The following VPS41 variants were observed in gnomAD, a reference collection of about 807,000 sequenced individuals.
The protein encoded by VPS41 is vacuolar protein sorting-associated protein 41 homolog.
A neutral mutation model predicts 130.9 loss-of-function variants in VPS41; 85 were observed. That is an observed-to-expected ratio of 0.65 (90% CI 0.55 to 0.78). The LOEUF is 0.78. VPS41 is among the 30% of genes least tolerant of loss of function. The probability of loss-of-function intolerance (pLI) is 0.00; values close to 1 mark genes in which losing one functional copy is unlikely to be tolerated. For synonymous variants in VPS41, 335 were observed against 332.9 expected, an observed-to-expected ratio of 1.01 and a Z score of -0.07; for missense variants, 874 against 1,018.7, an observed-to-expected ratio of 0.86 and a Z score of 1.93.
At position 38,774,177 on chromosome 7, in the gene VPS41, A is replaced by C; in HGVS notation, c.950T>G (p.Ile317Ser). ...IQPLSETCEE[I>S]SSDALTVRGF... ...TCTGACTGTCAAAGCATCAGAAGAGATCTCTTCACAAGTCTCAGAAAGTGG... is the reference window on the plus strand; with the variant it reads ...TCTGACTGTCAAAGCATCAGAAGAGCTCTCTTCACAAGTCTCAGAAAGTGG... The change falls in exon 12 of 29, where the codon ATC becomes AGC. Residue 317 changes from isoleucine to serine, a missense_variant. Physicochemically the swap from Ile to Ser is moderately radical, Grantham distance 142. Coordinates refer to ENST00000310301, the MANE Select transcript of VPS41 (RefSeq NM_014396.4). 1 of 1,610,040 alleles carries C rather than the reference A, an allele frequency of 6.2e-7. No individual in the cohort carries two copies. Among genetic ancestry groups the C allele is most frequent in the Non-Finnish European group, 8.5e-7 (1 of 1,177,030 alleles).
intron 2 of VPS41, among the ~76,000 whole-genome samples, chr7:38,895,730 C>T (rs1562627912): frequency 1.3e-5 from 2 of 152,152 alleles, no homozygotes; most frequent in Non-Finnish European, 2.9e-5. Context: ...ACTGCCAAGC[C>T]GCTAAGGATG....
chr7:38,853,867 C>G (rs967754051), intron 4 of VPS41, among the ~76,000 whole-genome samples: 4 of 152,198 alleles, frequency 2.6e-5, no homozygotes, highest in African/African-American at 9.6e-5. Context: ...ACTGAAGGGT[C>G]AGATGTTAAA....
intron 7 of VPS41, among the ~76,000 whole-genome samples, chr7:38,802,390 C>T (rs961097932): frequency 4.6e-5 from 7 of 152,150 alleles, no homozygotes; most frequent in Non-Finnish European, 1.0e-4. Flanking sequence ...TTATTCTTCA[C>T]TCATGAGTCC....
chr7:38,878,308 G>A (rs1253574327), intron 2 of VPS41, among the ~76,000 whole-genome samples: 1 of 152,186 alleles, frequency 6.6e-6, no homozygotes, highest in Non-Finnish European at 1.5e-5. Flanking sequence ...AGCCATTAAA[G>A]TACTATCTAT....
chr7:38,732,644 T>G (rs943952363), intron 25 of VPS41, among the ~76,000 whole-genome samples: 3 of 152,152 alleles, frequency 2.0e-5, no homozygotes, highest in Non-Finnish European at 2.9e-5. Flanking sequence ...TGCTATTGAT[T>G]TATGTATTAT....
chr7:38,891,893 C>T (rs1176478522), intron 2 of VPS41, among the ~76,000 whole-genome samples: 3 of 151,946 alleles, frequency 2.0e-5, no homozygotes, highest in Non-Finnish European at 4.4e-5. Context: ...TTTCTAAATA[C>T]AGAAATGAGT....
chr7:38,741,367 G>A, intron 25 of VPS41: 1 of 345,950 alleles, frequency 2.9e-6, no homozygotes, highest in Non-Finnish European at 5.7e-6. Context: ...GTCTTTTTAA[G>A]GAAAAGATTA....
chr7:38,752,879 T>C (rs1222923175), intron 21 of VPS41, among the ~76,000 whole-genome samples: 1 of 152,186 alleles, frequency 6.6e-6, no homozygotes, highest in African/African-American at 2.4e-5. Context: ...ATCTCCTCTT[T>C]GTTGACTCTT....
intron 22 of VPS41, chr7:38,745,840 GAACATTTCATGAGC>G: frequency 4.3e-6 from 2 of 462,400 alleles, no homozygotes; most frequent in Non-Finnish European, 7.5e-6. Flanking sequence ...AAGCTACTCA[GAACATTTCATGAGC>G]AAGAGTAGAA....
At chr7:38,809,875 T>C (rs1183037605) in intron 7 of VPS41, among the ~76,000 whole-genome samples, 1 of 151,760 alleles carries the variant, frequency 6.6e-6, no homozygotes, top group Non-Finnish European at 1.5e-5. Context: ...AAAGTAAAGG[T>C]CCTATGAAGC....
chr7:38,723,745 A>AAAAAAAAAAAAAAAAAAAAAAAAAAAAC lies in VPS41; in HGVS notation c.*2500_*2501insGTTTTTTTTTTTTTTTTTTTTTTTTTTT, dbSNP rs1795483197. On this transcript the variant is annotated 3_prime_UTR_variant, in exon 29 of 29. Coordinates refer to ENST00000310301, the MANE Select transcript of VPS41 (RefSeq NM_014396.4). The stretch of plus-strand genomic sequence containing the variant: ...TCTCAAAAAAAAAAAAAAAAAAAAA[A>AAAAAAAAAAAAAAAAAAAAAAAAAAAAC]AAAAAAAGAATAGCTTATGAAGTGT... The AAAAAAAAAAAAAAAAAAAAAAAAAAAAC allele has an allele frequency of 6.7e-6, 1 of 148,638 alleles. No homozygotes were observed. Among genetic ancestry groups the AAAAAAAAAAAAAAAAAAAAAAAAAAAAC allele is most frequent in the Admixed American group, 6.7e-5 (1 of 14,972 alleles). 9.2% of individuals were successfully genotyped at this position (148,638 alleles called of 1,614,324 possible).
chr7:38,864,092 G>A (rs941567107), intron 3 of VPS41, among the ~76,000 whole-genome samples: 8 of 152,108 alleles, frequency 5.3e-5, no homozygotes, highest in African/African-American at 1.7e-4. Context: ...AAAAGAATGG[G>A]TCTTAAAAGC....
At chr7:38,876,892 A>T (rs1786503584) in intron 2 of VPS41, among the ~76,000 whole-genome samples, 1 of 152,110 alleles carries the variant, frequency 6.6e-6, no homozygotes, top group Non-Finnish European at 1.5e-5. Flanking sequence ...CCCATCATTT[A>T]GTTTATATTG....
intron 2 of VPS41, among the ~76,000 whole-genome samples, chr7:38,876,489 G>C (rs1447795558): frequency 1.3e-5 from 2 of 152,096 alleles, no homozygotes; most frequent in Non-Finnish European, 2.9e-5. Flanking sequence ...GATGAAAATA[G>C]AAATCACATC....
rs201990933 is a variant in VPS41 at position 38,831,208 on chromosome 7, G to A, written c.247-880C>T. 2.3e-4 allele frequency: 109 copies of A among 470,944 alleles called. 1 individual carries two copies. In the East Asian group the frequency reaches 4.3e-3, roughly 19 times the overall value. 29.2% of individuals were successfully genotyped at this position (470,944 alleles called of 1,614,324 possible). A position where few individuals can be genotyped will look rare whatever the true frequency, so the allele number is the denominator to read the frequency against. ...ATTTTAGTCTTGGCAAATATAAACTGCACCTACCTCTGATTGTAATTTCTT... is the reference window on the plus strand; with the variant it reads ...ATTTTAGTCTTGGCAAATATAAACTACACCTACCTCTGATTGTAATTTCTT... On this transcript the variant is annotated intron_variant, in intron 4 of 28. Coordinates refer to ENST00000310301, the MANE Select transcript of VPS41 (RefSeq NM_014396.4).
chr7:38,748,954 T>C (rs1796040821), intron 22 of VPS41, among the ~76,000 whole-genome samples: 1 of 152,080 alleles, frequency 6.6e-6, no homozygotes, highest in Non-Finnish European at 1.5e-5. Flanking sequence ...TTGTAGAGAT[T>C]AAATAAAACA....
chr7:38,883,323 T>A (rs28711274), intron 2 of VPS41, among the ~76,000 whole-genome samples: 1 of 152,134 alleles, frequency 6.6e-6, no homozygotes, highest in Non-Finnish European at 1.5e-5. Context: ...CCATTACTTC[T>A]TGGACACCAT....
At chr7:38,750,900 T>C (rs1324426601) in intron 22 of VPS41, among the ~76,000 whole-genome samples, 1 of 152,202 alleles carries the variant, frequency 6.6e-6, no homozygotes, top group East Asian at 1.9e-4. Flanking sequence ...CAATGTTCTC[T>C]TGAAAAGTGA....
chr7:38,736,479 C>T (rs747151499), intron 25 of VPS41, among the ~76,000 whole-genome samples: 7 of 152,256 alleles, frequency 4.6e-5, no homozygotes, highest in Non-Finnish European at 1.0e-4. Flanking sequence ...AAAGCCAGAA[C>T]AGGAGCCCAC....
Sources: gnomAD v4.1 joint callset for allele counts (sites outside exome capture counted in the v4.1 genomes callset) on GRCh38, gnomAD v4.1.1 for gene constraint, MANE v1.5 for transcripts, NCBI Gene and HGNC (gene_info 2026-07-23, HGNC 2026-07-21) for gene names.